The following NCOA7 variants were observed in gnomAD, a reference collection of about 807,000 sequenced individuals.
The protein encoded by NCOA7 is 140 kDa estrogen receptor-associated protein.
Under a neutral mutation model 104.3 loss-of-function variants are expected in NCOA7, and 45 were observed. The observed-to-expected ratio is 0.43, with a 90% CI of 0.34 to 0.55. NCOA7 has a LOEUF of 0.55. Among genes scored for constraint, NCOA7 ranks in the 20% least tolerant of loss-of-function variants. The pLI is 0.02. For missense variants in NCOA7, 1,041 were observed against 1,119.7 expected (o/e 0.93, Z 1.00); for synonymous variants, 398 against 402.3 (o/e 0.99, Z 0.13).
At chr6:125,899,410 A>G (rs924039880) in intron 10 of NCOA7, among the ~76,000 whole-genome samples, 1 of 152,206 alleles carries the variant, frequency 6.6e-6, no homozygotes, top group Non-Finnish European at 1.5e-5. Flanking sequence ...CATAATCTTG[A>G]ACATTTTTTA....
chr6:125,891,657 C>T (rs1170573581), intron 10 of NCOA7, among the ~76,000 whole-genome samples: 1 of 152,126 alleles, frequency 6.6e-6, no homozygotes, highest in East Asian at 1.9e-4. Flanking sequence ...TCTCAGTAAA[C>T]AAAATTAAAT....
At chr6:125,830,735 A>ATGTGTGCG (rs779830277) in intron 2 of NCOA7, among the ~76,000 whole-genome samples, 2 of 134,010 alleles carry the variant, frequency 1.5e-5, no homozygotes, top group South Asian at 5.0e-4. Flanking sequence ...ATATATATAT[A>ATGTGTGCG]TATGTGTGTG....
At chr6:125,792,769 T>C (rs1198269154) in intron 1 of NCOA7, among the ~76,000 whole-genome samples, 1 of 149,924 alleles carries the variant, frequency 6.7e-6, no homozygotes, top group Non-Finnish European at 1.5e-5. Flanking sequence ...TAAAATGTTA[T>C]ATCATTTTGA....
chr6:125,873,623 G>A (rs539880364), intron 3 of NCOA7, among the ~76,000 whole-genome samples: 13 of 152,242 alleles, frequency 8.5e-5, no homozygotes, highest in Non-Finnish European at 1.8e-4. Context: ...GGTCCCTTAT[G>A]ATGTACATAA....
At chr6:125,905,014 G>A (rs912334941) in intron 10 of NCOA7, among the ~76,000 whole-genome samples, 17 of 152,176 alleles carry the variant, frequency 1.1e-4, no homozygotes, top group Admixed American at 1.1e-3. Context: ...GCCAGGGTGA[G>A]TAATTACTAG....
intron 10 of NCOA7, among the ~76,000 whole-genome samples, chr6:125,910,265 A>T (rs758182759): frequency 5.3e-5 from 8 of 152,208 alleles, no homozygotes; most frequent in Non-Finnish European, 1.0e-4. Context: ...GTTCTCAGAT[A>T]TTAGGGACTG....
At chr6:125,794,607 A>G (rs1775131166) in intron 1 of NCOA7, among the ~76,000 whole-genome samples, 1 of 152,228 alleles carries the variant, frequency 6.6e-6, no homozygotes, top group East Asian at 1.9e-4. Flanking sequence ...TGCACAATTG[A>G]TCTCTGGACA....
At chr6:125,850,403 CT>C (rs909471839) in intron 2 of NCOA7, among the ~76,000 whole-genome samples, 1 of 152,028 alleles carries the variant, frequency 6.6e-6, no homozygotes, top group Non-Finnish European at 1.5e-5. Flanking sequence ...TATTTTCTAG[CT>C]TTTTTTCTGA....
rs1411457864 is a variant in NCOA7 at position 125,874,872 on chromosome 6, T to A, written c.272-17T>A. The A allele has an allele frequency of 1.3e-6, 2 of 1,591,044 alleles. No individual in the cohort carries two copies. The highest frequency in any genetic ancestry group is 2.2e-5 in the South Asian group (2 of 90,572). On this transcript the variant is annotated splice_polypyrimidine_tract_variant and intron_variant, in intron 3 of 15. Coordinates refer to ENST00000392477, the MANE Select transcript of NCOA7 (RefSeq NM_181782.5). Reference sequence around the variant, plus strand: ...CTGAAAATGAAATTATTCATTTACATACAATTTATTCTTCAGATGACAATC... The same window carrying A: ...CTGAAAATGAAATTATTCATTTACAAACAATTTATTCTTCAGATGACAATC...
chr6:125,879,740 G>T (rs75801442), intron 5 of NCOA7, among the ~76,000 whole-genome samples: 1 of 152,142 alleles, frequency 6.6e-6, no homozygotes, highest in African/African-American at 2.4e-5. Context: ...GCTCATCCTT[G>T]TAATTCCAGC....
intron 10 of NCOA7, among the ~76,000 whole-genome samples, chr6:125,894,768 C>CTT (rs78480319): frequency 1.5e-5 from 2 of 136,426 alleles, no homozygotes. Context: ...GCAAGCTGTA[C>CTT]TTTTTTTTTT....
chr6:125,812,882 T>C (rs991062613), intron 1 of NCOA7, among the ~76,000 whole-genome samples: 1 of 152,236 alleles, frequency 6.6e-6, no homozygotes, highest in South Asian at 2.1e-4. Flanking sequence ...TTATCTACAC[T>C]GCATGACTCA....
chr6:125,927,610 G>T lies in NCOA7; in HGVS notation c.2524-53G>T, dbSNP rs1352155328. On this transcript the variant is annotated intron_variant, in intron 13 of 15. Transcript: ENST00000392477. ...TATCAAAAATATTCCAGAAAGCCTT[G>T]CTTTGGGGATTTAGGTTTGAATGTA... is the stretch of plus-strand genomic sequence containing the variant. 6.7e-6 allele frequency: 9 copies of T among 1,347,262 alleles called. No homozygotes were observed. In the Admixed American group the frequency reaches 6.7e-5, roughly 10 times the overall value. The allele number at this position is 1,347,262 out of a possible 1,614,324, so 83.5% of individuals were successfully genotyped here.
At chr6:125,845,519 T>C (rs1238345894) in intron 2 of NCOA7, among the ~76,000 whole-genome samples, 1 of 152,182 alleles carries the variant, frequency 6.6e-6, no homozygotes, top group Non-Finnish European at 1.5e-5. Flanking sequence ...CTCATGCCTG[T>C]AATCCCAGCA....
At chr6:125,793,903 G>A (rs752515054) in intron 1 of NCOA7, among the ~76,000 whole-genome samples, 4 of 152,134 alleles carry the variant, frequency 2.6e-5, no homozygotes, top group Admixed American at 6.6e-5. Flanking sequence ...TTCTGTACAT[G>A]CCAGAGAATA....
intron 2 of NCOA7, among the ~76,000 whole-genome samples, chr6:125,817,347 CT>C (rs370287109): frequency 2.6e-5 from 4 of 152,288 alleles, no homozygotes; most frequent in African/African-American, 9.6e-5. Context: ...GTGCAATACT[CT>C]TTTCTGGAAT....
intron 7 of NCOA7, among the ~76,000 whole-genome samples, chr6:125,884,286 T>C (rs894150126): frequency 6.6e-6 from 1 of 152,236 alleles, no homozygotes; most frequent in Non-Finnish European, 1.5e-5. Context: ...GCTTGGCTAT[T>C]GTGAATAATG....
At chr6:125,867,699 T>A (rs905778134) in intron 3 of NCOA7, among the ~76,000 whole-genome samples, 2 of 152,234 alleles carry the variant, frequency 1.3e-5, no homozygotes, top group African/African-American at 4.8e-5. Context: ...CACATTAGGT[T>A]CGCCTCTATG....
intron 2 of NCOA7, among the ~76,000 whole-genome samples, chr6:125,831,975 A>G (rs1039703104): frequency 1.6e-4 from 25 of 152,322 alleles, no homozygotes; most frequent in African/African-American, 6.0e-4. Flanking sequence ...TGCTTTCAGC[A>G]TTGGTTCTTC....
Sources: allele counts gnomAD v4.1 joint callset (sites outside exome capture counted in the v4.1 genomes callset), GRCh38; gene constraint gnomAD v4.1.1; transcripts MANE v1.5; gene names NCBI Gene and HGNC (gene_info 2026-07-23, HGNC 2026-07-21).